Variants in TRPC5 observed in about 807,000 individuals in gnomAD.
The protein encoded by TRPC5 is short transient receptor potential channel 5.
A neutral mutation model predicts 56.5 loss-of-function variants in TRPC5; 9 were observed. That is an observed-to-expected ratio of 0.16 (90% confidence interval 0.10 to 0.28). TRPC5 has a LOEUF of 0.28. TRPC5 is among the 10% of genes least tolerant of loss of function. The pLI is 1.00. For synonymous variants in TRPC5, 282 were observed against 278.5 expected, an observed-to-expected ratio of 1.01 and a Z score of -0.13; for missense variants, 469 against 748.9, an observed-to-expected ratio of 0.63 and a Z score of 4.36.
intron 3 of TRPC5, chrX:111,901,818 G>A: frequency 9.7e-7 from 1 of 1,030,667 alleles, no homozygotes; most frequent in Non-Finnish European, 1.3e-6. Context: ...AGCTTTTAGT[G>A]ATATTTTATC....
chrX:111,922,462 T>C (rs1039207233), intron 2 of TRPC5, among the ~76,000 whole-genome samples: 1 of 112,135 alleles, frequency 8.9e-6, no homozygotes, highest in Non-Finnish European at 1.9e-5. Flanking sequence ...ATAAAATCAG[T>C]GTTCAGCAGT....
At chrX:111,860,671 A>G (rs141082938) in intron 3 of TRPC5, among the ~76,000 whole-genome samples, 80 of 112,827 alleles carry the variant, frequency 7.1e-4, no homozygotes, top group Middle Eastern at 4.6e-3. Context: ...ATAACCCAAC[A>G]TAACAACTTT....
At chrX:112,067,627 G>A (rs180923352) in intron 1 of TRPC5, among the ~76,000 whole-genome samples, 26 of 111,797 alleles carry the variant, frequency 2.3e-4, no homozygotes, top group African/African-American at 7.8e-4. Context: ...TCTCAGAAGA[G>A]CCTTGCCCTC....
At chrX:111,856,536 T>C (rs1275080127) in intron 3 of TRPC5, among the ~76,000 whole-genome samples, 1 of 79,739 alleles carries the variant, frequency 1.3e-5, no homozygotes, top group African/African-American at 1.1e-4. Context: ...GAGCCCTGTC[T>C]CAAATAATAA....
At chrX:111,999,233 T>G (rs1381222586) in intron 1 of TRPC5, among the ~76,000 whole-genome samples, 1 of 111,598 alleles carries the variant, frequency 9.0e-6, no homozygotes, top group East Asian at 2.8e-4. Context: ...ACTGTAGTTT[T>G]GTATGTGTTC....
intron 7 of TRPC5, among the ~76,000 whole-genome samples, chrX:111,785,876 A>G (rs1434761673): frequency 3.6e-5 from 4 of 111,836 alleles, no homozygotes; most frequent in Non-Finnish European, 5.6e-5. Context: ...AAAAGAGTAA[A>G]AAGAAATGAA....
chrX:111,920,261 C>T (rs989147970), intron 2 of TRPC5, among the ~76,000 whole-genome samples: 3 of 109,695 alleles, frequency 2.7e-5, no homozygotes, highest in Admixed American at 1.9e-4. Flanking sequence ...GGTGACAGAG[C>T]GAGACTCTGT....
intron 3 of TRPC5, among the ~76,000 whole-genome samples, chrX:111,861,437 T>C (rs1268358540): frequency 8.9e-6 from 1 of 112,163 alleles, no homozygotes; most frequent in Non-Finnish European, 1.9e-5. Flanking sequence ...TTTAAGACAA[T>C]TTTTTATTTT....
chrX:111,869,017 A>C (rs928125118), intron 3 of TRPC5, among the ~76,000 whole-genome samples: 9 of 112,122 alleles, frequency 8.0e-5, no homozygotes, highest in African/African-American at 2.9e-4. Flanking sequence ...GGCTCTGAAG[A>C]GGAGAAAAAC....
chrX:111,954,742 C>A (rs2148639765), intron 1 of TRPC5, among the ~76,000 whole-genome samples: 1 of 111,293 alleles, frequency 9.0e-6, no homozygotes, highest in Non-Finnish European at 1.9e-5. Context: ...AGCATTACTG[C>A]TACAGGAAGA....
chrX:111,796,169 A>G (rs1042953125), intron 7 of TRPC5, among the ~76,000 whole-genome samples: 5 of 111,588 alleles, frequency 4.5e-5, no homozygotes, highest in African/African-American at 1.3e-4. Context: ...TTCTTTTTTT[A>G]TCACCTCTAT....
intron 1 of TRPC5, among the ~76,000 whole-genome samples, chrX:111,995,230 T>A (rs947842344): frequency 8.9e-6 from 1 of 111,985 alleles, no homozygotes; most frequent in Non-Finnish European, 1.9e-5. Flanking sequence ...AATCATGTGG[T>A]TTTAGTCATT....
chrX:112,076,679 A>G (rs768382269), intron 1 of TRPC5, among the ~76,000 whole-genome samples: 1 of 111,674 alleles, frequency 9.0e-6, no homozygotes, highest in East Asian at 2.8e-4. Context: ...CTGCATATAT[A>G]TGCAAACATG....
intron 1 of TRPC5, among the ~76,000 whole-genome samples, chrX:112,007,152 T>C (rs989063506): frequency 2.7e-5 from 3 of 111,166 alleles, no homozygotes; most frequent in African/African-American, 9.8e-5. Context: ...TAGGTTTTGA[T>C]GAACATTCCT....
At chrX:112,045,654 C>G (rs1049408572) in intron 1 of TRPC5, among the ~76,000 whole-genome samples, 2 of 111,793 alleles carry the variant, frequency 1.8e-5, no homozygotes, top group Non-Finnish European at 1.9e-5. Flanking sequence ...ATCATTATAA[C>G]TTGATTTTGA....
At chrX:112,000,178 G>A (rs759245257) in intron 1 of TRPC5, among the ~76,000 whole-genome samples, 2 of 111,381 alleles carry the variant, frequency 1.8e-5, no homozygotes, top group African/African-American at 6.5e-5. Flanking sequence ...AGAATCACCA[G>A]CAGATTTCTA....
At chrX:111,944,303 T>TGTGTGAAAGAGA (rs1173179815) in intron 2 of TRPC5, among the ~76,000 whole-genome samples, 10 of 61,391 alleles carry the variant, frequency 1.6e-4, no homozygotes, top group African/African-American at 8.5e-4. Flanking sequence ...TGTGTGTGTG[T>TGTGTGAAAGAGA]GAGAGAGAGA....
At chrX:111,931,475 C>T (rs200786594) in intron 2 of TRPC5, among the ~76,000 whole-genome samples, 22 of 111,862 alleles carry the variant, frequency 2.0e-4, no homozygotes, top group African/African-American at 4.5e-4. Flanking sequence ...GTAAATATGA[C>T]GTATCTTCAT....
intron 10 of TRPC5, 76 bp from the exon 11 acceptor site, chrX:111,777,078 G>A: frequency 1.2e-6 from 1 of 863,724 alleles, no homozygotes; most frequent in South Asian, 4.1e-5. Flanking sequence ...GATACCTTTG[G>A]TATGTTCCAG....
Sources: allele counts gnomAD v4.1 joint callset (sites outside exome capture counted in the v4.1 genomes callset), GRCh38; gene constraint gnomAD v4.1.1; transcripts MANE v1.5; gene names NCBI Gene and HGNC (gene_info 2026-07-23, HGNC 2026-07-21).